The following DNAJB9 variants were observed in gnomAD, a reference collection of about 807,000 sequenced individuals.
DNAJB9 encodes the protein dnaJ homolog subfamily B member 9.
Under a neutral mutation model 19.2 loss-of-function variants are expected in DNAJB9, and 12 were observed. The observed-to-expected ratio is 0.62, with a 90% CI of 0.40 to 1.01. The LOEUF (loss-of-function observed/expected upper bound fraction) is 1.01, where lower values mean the gene tolerates loss of function less well. Among genes scored for constraint, DNAJB9 ranks in the 50% least tolerant of loss-of-function variants. The probability of loss-of-function intolerance (pLI) is 0.00; values close to 1 mark genes in which losing one functional copy is unlikely to be tolerated. For missense variants in DNAJB9, 272 were observed against 261.1 expected (o/e 1.04, Z -0.29); for synonymous variants, 83 against 84.0 (o/e 0.99, Z 0.07).
rs1790583228 is a variant in DNAJB9 at position 108,569,930 on chromosome 7, TG to T, written c.-181del. 5 of 364,648 alleles carry T rather than the reference TG, an allele frequency of 1.4e-5. No homozygotes were observed. The South Asian group carries it at 1.5e-4, about 11-fold the overall frequency. 22.6% of individuals were successfully genotyped at this position (364,648 alleles called of 1,614,324 possible). ...TGTGAGGAGCTGGCTGAGAGGGGAC[TG>T]GGCGCCGGCGGGGAAGGAGGAGCGC... On this transcript the variant is annotated 5_prime_UTR_variant, in exon 1 of 3. Coordinates refer to ENST00000249356, the MANE Select transcript of DNAJB9 (RefSeq NM_012328.3).
In DNAJB9 at chr7:108,573,123, G is replaced by A; in HGVS notation, c.442G>A (p.Gly148Ser). 6.2e-7 allele frequency: 1 copy of A among 1,614,088 alleles called. No homozygotes were observed. Among genetic ancestry groups the A allele is most frequent in the African/African-American group, 1.3e-5 (1 of 75,038 alleles). The change falls in exon 3 of 3, where the codon GGT (glycine) becomes AGT (serine). Residue 148 changes from glycine to serine, a missense_variant. By Grantham distance (56) the Gly-to-Ser change is moderately conservative. Coordinates refer to ENST00000249356, the MANE Select transcript of DNAJB9 (RefSeq NM_012328.3). ...TCATTTCCAGACACGCCAGGATGGT[G>A]GTTCCAGTAGACAAAGGCATCATTT... ...ENHFQTRQDG[G>S]SSRQRHHFQE...
rs1217793620 is a variant in DNAJB9, at chr7:108,571,897, A to T, written c.171A>T (p.Lys57Asn). 15 of 1,614,062 alleles carry T rather than the reference A, an allele frequency of 9.3e-6. No individual in the cohort carries two copies. Among genetic ancestry groups the T allele is most frequent in the Non-Finnish European group, 1.3e-5 (15 of 1,180,028 alleles). Residue 57 changes from lysine (K) to asparagine (N), a missense_variant, in exon 2 of 3, where the codon AAA (lysine) becomes AAT (asparagine). By Grantham distance (94) the Lys-to-Asn change is moderately conservative. Coordinates refer to ENST00000249356, the MANE Select transcript of DNAJB9 (RefSeq NM_012328.3). ...TGGCCATGAAGTACCACCCTGACAA[A>T]AATAAGAGCCCGGATGCTGAAGCAA... is the stretch of plus-strand genomic sequence containing the variant. ...HKLAMKYHPD[K>N]NKSPDAEAKF...
rs765822549 is a variant in DNAJB9 at position 108,573,371 on chromosome 7, C to G, written c.*18C>G. ...GACAGTAGTTCTTATTCTATTCTCA[C>G]TAAATCCAACTGGTTGACTCTTCCT... On this transcript the variant is annotated 3_prime_UTR_variant, in exon 3 of 3. Transcript: ENST00000249356. The G allele has an allele frequency of 6.8e-7, 1 of 1,478,066 alleles. No homozygotes were observed. Among genetic ancestry groups the G allele is most frequent in the South Asian group, 1.4e-5 (1 of 69,028 alleles). 91.6% of individuals were successfully genotyped at this position (1,478,066 alleles called of 1,614,324 possible). A position where few individuals can be genotyped will look rare whatever the true frequency, so the allele number is the denominator to read the frequency against.
Position 108,571,843 on chromosome 7 carries a change from G to A in DNAJB9, c.117G>A (p.Glu39=), listed in dbSNP as rs767268558. ...TAGGTGTGCCAAAATCGGCATCAGA[G>A]CGCCAAATCAAGAAGGCCTTTCACA... ...DILGVPKSAS[E]RQIKKAFHKL... Residue 39 remains glutamate (E), a synonymous_variant, in exon 2 of 3, where the codon GAG becomes GAA. Coordinates refer to ENST00000249356, the MANE Select transcript of DNAJB9 (RefSeq NM_012328.3). 3.7e-6 allele frequency: 6 copies of A among 1,614,126 alleles called. No individual in the cohort carries two copies. The highest frequency in any genetic ancestry group is 5.1e-6 in the Non-Finnish European group (6 of 1,180,022).
chr7:108,571,514 A>G (rs1790620112), intron 1 of DNAJB9, among the ~76,000 whole-genome samples: 2 of 152,190 alleles, frequency 1.3e-5, no homozygotes, highest in African/African-American at 4.8e-5. Context: ...GACAAAGCCA[A>G]GAATTATTTT....
rs201325742 is a variant in DNAJB9, at chr7:108,573,112, G to T, written c.431G>T (p.Arg144Leu). The T allele has an allele frequency of 1.2e-6, 2 of 1,614,028 alleles. No homozygotes were observed. The highest frequency in any genetic ancestry group is 1.1e-5 in the South Asian group (1 of 91,082). The change falls in exon 3 of 3, where the codon CGC (arginine) becomes CTC (leucine). Residue 144 changes from arginine (R) to leucine (L), a missense_variant. Arg to Leu is a moderately radical substitution (Grantham distance 102). Coordinates refer to ENST00000249356, the MANE Select transcript of DNAJB9 (RefSeq NM_012328.3). Reference sequence around the variant, plus strand: ...CGTTTTGAAAATCATTTCCAGACACGCCAGGATGGTGGTTCCAGTAGACAA... The same window carrying T: ...CGTTTTGAAAATCATTTCCAGACACTCCAGGATGGTGGTTCCAGTAGACAA... ...KKRFENHFQT[R>L]QDGGSSRQRH...
In DNAJB9 at chr7:108,571,956, C is replaced by A; in HGVS notation, c.217+13C>A. On this transcript the variant is annotated intron_variant, in intron 2 of 2. Coordinates refer to ENST00000249356, the MANE Select transcript of DNAJB9 (RefSeq NM_012328.3). ...GAGATTGCAGAAGGTAAATAAATGACAATCTCTGAAGTGTCATGGGTATTA... is the reference window on the plus strand; with the variant it reads ...GAGATTGCAGAAGGTAAATAAATGAAAATCTCTGAAGTGTCATGGGTATTA... The A allele has an allele frequency of 6.2e-7, 1 of 1,611,796 alleles. No homozygotes were observed. Among genetic ancestry groups the A allele is most frequent in the Non-Finnish European group, 8.5e-7 (1 of 1,178,030 alleles).
rs760707566 is a variant in DNAJB9 at position 108,573,259 on chromosome 7, A to G, written c.578A>G (p.Glu193Gly). 6.2e-7 allele frequency: 1 copy of G among 1,613,764 alleles called. No homozygotes were observed. Among genetic ancestry groups the G allele is most frequent in the African/African-American group, 1.3e-5 (1 of 74,930 alleles). ...DSTNQHTVQT[E>G]NRFHGSSKHC... is the part of the protein sequence containing the mutation. ...ACCAATCAGCATACAGTACAGACTGAAAATAGATTTCATGGATCTAGCAAG... is the reference window on the plus strand; with the variant it reads ...ACCAATCAGCATACAGTACAGACTGGAAATAGATTTCATGGATCTAGCAAG... The change falls in exon 3 of 3, where the codon GAA becomes GGA. Residue 193 changes from glutamate to glycine, a missense_variant. Physicochemically the swap from Glu to Gly is moderately conservative, Grantham distance 98. Transcript: ENST00000249356.
chr7:108,571,578 A>T (rs1260286181), intron 1 of DNAJB9, 139 bp from the exon 2 acceptor site: 5 of 666,302 alleles, frequency 7.5e-6, no homozygotes, highest in Non-Finnish European at 1.3e-5. Flanking sequence ...AAGTGAAATT[A>T]CATGTGGACA....
rs1298315130 is a variant in DNAJB9, at chr7:108,573,429, A to G, written c.*76A>G. On this transcript the variant is annotated 3_prime_UTR_variant, in exon 3 of 3. Coordinates refer to ENST00000249356, the MANE Select transcript of DNAJB9 (RefSeq NM_012328.3). ...TTTGATGCTAAACAATTTTCTGTGA[A>G]CTATTTTGACAAGTGCATGATTTCA... is the stretch of plus-strand genomic sequence containing the variant. The G allele has an allele frequency of 7.0e-6, 8 of 1,149,220 alleles. No individual in the cohort carries two copies. Among genetic ancestry groups the G allele is most frequent in the Non-Finnish European group, 9.5e-6 (8 of 846,502 alleles). The allele number at this position is 1,149,220 out of a possible 1,614,324, so 71.2% of individuals were successfully genotyped here. A position where few individuals can be genotyped will look rare whatever the true frequency, so the allele number is the denominator to read the frequency against.
At chr7:108,570,729 C>T (rs924718813) in intron 1 of DNAJB9, among the ~76,000 whole-genome samples, 1 of 152,146 alleles carries the variant, frequency 6.6e-6, no homozygotes, top group Admixed American at 6.5e-5. Context: ...AATCTACCTG[C>T]CTGCTAATTA....
At chr7:108,572,781 T>G (rs1209898047) in intron 2 of DNAJB9, 118 bp from the exon 3 acceptor site, 2 of 795,866 alleles carry the variant, frequency 2.5e-6, no homozygotes, top group African/African-American at 3.5e-5. Context: ...CTTTTATTTC[T>G]GATGCGAAAT....
At chr7:108,571,282 C>T (rs1011966960) in intron 1 of DNAJB9, among the ~76,000 whole-genome samples, 1 of 150,046 alleles carries the variant, frequency 6.7e-6, no homozygotes, top group Non-Finnish European at 1.5e-5. Context: ...TACCTTGGTG[C>T]GCCACCTTTT....
Position 108,569,921 on chromosome 7 carries a change from A to T in DNAJB9, c.-193A>T. On this transcript the variant is annotated 5_prime_UTR_variant, in exon 1 of 3. Transcript: ENST00000249356. ...CCTCCTGCCTGTGAGGAGCTGGCTGAGAGGGGACTGGGCGCCGGCGGGGAA... is the reference window on the plus strand; with the variant it reads ...CCTCCTGCCTGTGAGGAGCTGGCTGTGAGGGGACTGGGCGCCGGCGGGGAA... The T allele has an allele frequency of 2.6e-6, 1 of 388,918 alleles. No homozygotes were observed. Among genetic ancestry groups the T allele is most frequent in the African/African-American group, 2.0e-5 (1 of 49,484 alleles). 24.1% of individuals were successfully genotyped at this position (388,918 alleles called of 1,614,324 possible).
At position 108,573,029 on chromosome 7, in the gene DNAJB9, T is replaced by C. The variant is rs749805704; in HGVS notation, c.348T>C (p.Asp116=). The change falls in exon 3 of 3, where the codon GAT becomes GAC. Residue 116 remains aspartate, a synonymous_variant. Transcript: ENST00000249356. ...AGCAGTCATTTAACTTCAATTTTGA[T>C]GACTTATTTAAAGACTTTGGCTTTT... ...SFEQSFNFNF[D]DLFKDFGFFG... 1 of 1,614,076 alleles carries C rather than the reference T, an allele frequency of 6.2e-7. No individual in the cohort carries two copies. The highest frequency in any genetic ancestry group is 2.2e-5 in the East Asian group (1 of 44,870).
rs542283661 is a variant in DNAJB9 at position 108,574,685 on chromosome 7, C to G, written c.*1332C>G. 6.6e-6 allele frequency: 1 copy of G among 152,072 alleles called. No individual in the cohort carries two copies. The highest frequency in any genetic ancestry group is 2.1e-4 in the South Asian group (1 of 4,818). The allele number at this position is 152,072 out of a possible 1,614,324, so 9.4% of individuals were successfully genotyped here. A position where few individuals can be genotyped will look rare whatever the true frequency, so the allele number is the denominator to read the frequency against. On this transcript the variant is annotated 3_prime_UTR_variant, in exon 3 of 3. Transcript: ENST00000249356. ...TGCTGCCAGTTCTTTCCTCTTTAGG[C>G]GTGGTTGAGAAAAAGCAGAAACTTT... is the stretch of plus-strand genomic sequence containing the variant.
chr7:108,570,234 G>C (rs1177125075), intron 1 of DNAJB9, 131 bp downstream of exon 1: 2 of 152,390 alleles, frequency 1.3e-5, no homozygotes, highest in Non-Finnish European at 2.9e-5. Context: ...GCATGTTTTT[G>C]GCCGAGAGAA....
Position 108,569,901 on chromosome 7 carries a change from T to G in DNAJB9, c.-213T>G. 1 of 439,220 alleles carries G rather than the reference T, an allele frequency of 2.3e-6. No homozygotes were observed. Among genetic ancestry groups the G allele is most frequent in the Non-Finnish European group, 4.2e-6 (1 of 237,938 alleles). The allele number at this position is 439,220 out of a possible 1,614,324, so 27.2% of individuals were successfully genotyped here. A position where few individuals can be genotyped will look rare whatever the true frequency, so the allele number is the denominator to read the frequency against. On this transcript the variant is annotated 5_prime_UTR_variant, in exon 1 of 3. Transcript: ENST00000249356. The stretch of plus-strand genomic sequence containing the variant: ...GGTGGTGGCGCCAGCGGCTACCTCC[T>G]GCCTGTGAGGAGCTGGCTGAGAGGG...
Position 108,573,519 on chromosome 7 carries a change from AT to A in DNAJB9, c.*168del. The A allele has an allele frequency of 2.2e-6, 1 of 445,316 alleles. No individual in the cohort carries two copies. The highest frequency in any genetic ancestry group is 3.8e-6 in the Non-Finnish European group (1 of 263,542). 27.6% of individuals were successfully genotyped at this position (445,316 alleles called of 1,614,324 possible). ...GTTTTTTTTTTTTGACAAATTCAAC[AT>A]TCAACGAGTAGACAAAATGCTAATT... On this transcript the variant is annotated 3_prime_UTR_variant, in exon 3 of 3. Coordinates refer to ENST00000249356, the MANE Select transcript of DNAJB9 (RefSeq NM_012328.3).
Sources: gnomAD v4.1 joint callset for allele counts (sites outside exome capture counted in the v4.1 genomes callset) on GRCh38, gnomAD v4.1.1 for gene constraint, MANE v1.5 for transcripts, NCBI Gene and HGNC (gene_info 2026-07-23, HGNC 2026-07-21) for gene names.